Variants in GLOD4 observed in about 807,000 individuals in gnomAD.
The protein encoded by GLOD4 is glyoxalase domain-containing protein 4.
In GLOD4, 44 loss-of-function variants were observed where a neutral mutation model predicts 39.1. The observed-to-expected ratio is 1.13, with a 90% confidence interval of 0.88 to 1.45. GLOD4 has a LOEUF of 1.45. Among genes scored for constraint, GLOD4 ranks in the 40% most tolerant of loss-of-function variants. GLOD4 has a pLI of 0.00. For missense variants in GLOD4, 405 were observed against 366.4 expected, an observed-to-expected ratio of 1.11 and a Z score of -0.86; for synonymous variants, 145 against 135.0, an observed-to-expected ratio of 1.07 and a Z score of -0.52.
Position 769,269 on chromosome 17 carries a change from C to T in GLOD4, c.831+600G>A, listed in dbSNP as rs561993780. ...CTGAGGGGATGGGATGGAGGCATCTCCATGGGGAGAGCTGAGGGGAACGGA... is the reference window on the plus strand; with the variant it reads ...CTGAGGGGATGGGATGGAGGCATCTTCATGGGGAGAGCTGAGGGGAACGGA... On this transcript the variant is annotated intron_variant, in intron 8 of 8. Transcript: ENST00000301329. 8.2e-5 allele frequency among the ~76,000 whole-genome samples: 12 copies of T among 146,310 alleles called. No homozygotes were observed. In the East Asian group the frequency reaches 1.8e-3, roughly 22 times the overall value.
At chr17:778,658 G>C in intron 2 of GLOD4, 37 bp downstream of exon 2, 2 of 1,206,192 alleles carry the variant, frequency 1.7e-6, no homozygotes, top group African/African-American at 1.5e-5. Context: ...GGTGTAGTCA[G>C]AGCCTAAAGG....
intron 8 of GLOD4, among the ~76,000 whole-genome samples, chr17:767,441 C>T (rs189386783): frequency 2.6e-5 from 4 of 151,878 alleles, no homozygotes; most frequent in East Asian, 1.9e-4. Flanking sequence ...AAATGGGAGG[C>T]GAGAAAGAGA....
Position 770,178 on chromosome 17 carries a change from C to T in GLOD4, c.631-21G>A, listed in dbSNP as rs777458707. On this transcript the variant is annotated intron_variant, in intron 6 of 8. Coordinates refer to ENST00000301329, the MANE Select transcript of GLOD4 (RefSeq NM_016080.4). The stretch of plus-strand genomic sequence containing the variant: ...GGCAACTTGAGGAAAACAGAGGCAA[C>T]GTGAGCCAGGGGTCACACACTACTC... 1.3e-5 allele frequency: 18 copies of T among 1,373,600 alleles called. No individual in the cohort carries two copies. The African/African-American group carries it at 1.9e-4, about 14-fold the overall frequency. The allele number at this position is 1,373,600 out of a possible 1,614,324, so 85.1% of individuals were successfully genotyped here. A position where few individuals can be genotyped will look rare whatever the true frequency, so the allele number is the denominator to read the frequency against.
At chr17:782,871 GTTGT>G (rs1055859613), upstream of GLOD4, among the ~76,000 whole-genome samples, 3 of 152,182 alleles carry the variant, frequency 2.0e-5, no homozygotes, top group African/African-American at 7.2e-5. Flanking sequence ...GCTCTTTGTT[GTTGT>G]TTTTGTTTCA....
intron 5 of GLOD4, 60 bp downstream of exon 5, chr17:771,265 T>C: frequency 8.9e-7 from 1 of 1,118,088 alleles, no homozygotes; most frequent in Non-Finnish European, 1.3e-6. Context: ...AAGCCATTTA[T>C]AAGCTTCGTT....
Position 770,024 on chromosome 17 carries a change from C to T in GLOD4, c.744+20G>A, listed in dbSNP as rs1567791439. ...AAGAAACCCCTGGTCCAGCCTGCCCCCTGCCTGAGAAATACTTACAGGGTC... is the reference window on the plus strand; with the variant it reads ...AAGAAACCCCTGGTCCAGCCTGCCCTCTGCCTGAGAAATACTTACAGGGTC... On this transcript the variant is annotated intron_variant, in intron 7 of 8. Transcript: ENST00000301329. 1.3e-6 allele frequency: 2 copies of T among 1,570,840 alleles called. No homozygotes were observed.
chr17:766,134 G>C (rs137964275), intron 8 of GLOD4, among the ~76,000 whole-genome samples: 4,934 of 150,896 alleles, frequency 0.033, 127 homozygotes, highest in African/African-American at 0.066. Flanking sequence ...CCCATCTCTA[G>C]AAAAAATACA....
intron 8 of GLOD4, among the ~76,000 whole-genome samples, chr17:762,128 A>G (rs911260443): frequency 6.6e-6 from 1 of 152,250 alleles, no homozygotes; most frequent in Admixed American, 6.5e-5. Flanking sequence ...TCAAAGGGAA[A>G]GCTGATAGGC....
At chr17:767,001 G>T (rs922492422) in intron 8 of GLOD4, among the ~76,000 whole-genome samples, 3 of 152,146 alleles carry the variant, frequency 2.0e-5, no homozygotes, top group African/African-American at 7.2e-5. Flanking sequence ...TTTCCTTCAG[G>T]ATAAAATGTA....
chr17:774,532 A>G (rs766502623), intron 4 of GLOD4, among the ~76,000 whole-genome samples: 3 of 152,210 alleles, frequency 2.0e-5, no homozygotes, highest in Non-Finnish European at 4.4e-5. Flanking sequence ...CAAACCCTGC[A>G]AAGTTTCCTT....
chr17:769,832 A>G (rs751683450), intron 8 of GLOD4, 37 bp downstream of exon 8: 1 of 1,178,396 alleles, frequency 8.5e-7, no homozygotes, highest in Non-Finnish European at 1.3e-6. Flanking sequence ...CATCCCTCTC[A>G]GGCCCATGGT....
At chr17:763,976 G>A (rs1468884630) in intron 8 of GLOD4, 2 of 152,232 alleles carry the variant, frequency 1.3e-5, no homozygotes, top group African/African-American at 4.8e-5. Context: ...CTACAGTACA[G>A]AGTCAAGGTA....
At chr17:770,626 A>C in intron 5 of GLOD4, 119 bp from the exon 6 acceptor site, 1 of 649,160 alleles carries the variant, frequency 1.5e-6, no homozygotes, top group South Asian at 1.8e-5. Flanking sequence ...TCTCTATCCT[A>C]CTCTCACCCC....
At chr17:769,231 T>C (rs763412769) in intron 8 of GLOD4, among the ~76,000 whole-genome samples, 10 of 145,298 alleles carry the variant, frequency 6.9e-5, no homozygotes, top group Non-Finnish European at 1.5e-4. Flanking sequence ...TGGAGGCATC[T>C]CCACGGGGAG....
In GLOD4 at chr17:770,171, G is replaced by C. The variant is rs755355039; in HGVS notation, c.631-14C>G. ...TAAGTCTGGCAACTTGAGGAAAACAGAGGCAACGTGAGCCAGGGGTCACAC... is the reference window on the plus strand; with the variant it reads ...TAAGTCTGGCAACTTGAGGAAAACACAGGCAACGTGAGCCAGGGGTCACAC... On this transcript the variant is annotated splice_polypyrimidine_tract_variant and intron_variant, in intron 6 of 8. Coordinates refer to ENST00000301329, the MANE Select transcript of GLOD4 (RefSeq NM_016080.4). 1 of 1,415,828 alleles carries C rather than the reference G, an allele frequency of 7.1e-7. No individual in the cohort carries two copies. The highest frequency in any genetic ancestry group is 1.0e-6 in the Non-Finnish European group (1 of 1,000,792). The allele number at this position is 1,415,828 out of a possible 1,614,324, so 87.7% of individuals were successfully genotyped here. A position where few individuals can be genotyped will look rare whatever the true frequency, so the allele number is the denominator to read the frequency against.
chr17:784,886 A>T (rs1430602308), upstream of GLOD4, among the ~76,000 whole-genome samples: 3 of 152,196 alleles, frequency 2.0e-5, no homozygotes, highest in African/African-American at 7.2e-5. Context: ...CACAGCACAC[A>T]GACGCCTAAT....
At chr17:770,693 A>ACGT (rs201063438) in intron 5 of GLOD4, 186 bp from the exon 6 acceptor site, 53 of 412,764 alleles carry the variant, frequency 1.3e-4, no homozygotes, top group East Asian at 2.7e-4. Flanking sequence ...GCACGCATCT[A>ACGT]TGTTTTTTTT....
At chr17:766,855 C>T (rs1296530888) in intron 8 of GLOD4, among the ~76,000 whole-genome samples, 1 of 152,186 alleles carries the variant, frequency 6.6e-6, no homozygotes, top group Non-Finnish European at 1.5e-5. Context: ...GGCAAGATTG[C>T]ACCATTGCAC....
At chr17:770,281 T>C (rs994870297) in intron 6 of GLOD4, 124 bp from the exon 7 acceptor site, 20 of 752,888 alleles carry the variant, frequency 2.7e-5, no homozygotes, top group Non-Finnish European at 4.5e-5. Context: ...GAATTTATTA[T>C]CTCAGCTGCT....
Sources: gnomAD v4.1 joint callset for allele counts (sites outside exome capture counted in the v4.1 genomes callset) on GRCh38, gnomAD v4.1.1 for gene constraint, MANE v1.5 for transcripts, NCBI Gene and HGNC (gene_info 2026-07-23, HGNC 2026-07-21) for gene names.